The following RALYL variants were observed in gnomAD, a reference collection of about 807,000 sequenced individuals.
RALYL encodes RALY RNA binding protein like, also known as RNA-binding Raly-like protein.
RALYL carries 29 observed loss-of-function variants against 35.1 expected under a neutral mutation model. The ratio of observed to expected loss-of-function variants is 0.83; its 90% CI spans 0.61 to 1.13. The LOEUF is 1.13. Ranked by LOEUF, RALYL falls within the 50% of genes most tolerant of loss-of-function variation. The pLI is 0.00. For missense variants in RALYL, 359 were observed against 360.4 expected (o/e 1.00, Z 0.03); for synonymous variants, 120 against 127.6 (o/e 0.94, Z 0.40).
intron 6 of RALYL, among the ~76,000 whole-genome samples, chr8:84,868,218 T>A (rs1839536690): frequency 6.6e-6 from 1 of 152,096 alleles, no homozygotes; most frequent in Admixed American, 6.6e-5. Flanking sequence ...CTTAAAAAAT[T>A]TTTTTAGAAA....
chr8:84,799,599 T>C (rs1822724985), intron 3 of RALYL, among the ~76,000 whole-genome samples: 1 of 152,222 alleles, frequency 6.6e-6, no homozygotes, highest in Non-Finnish European at 1.5e-5. Context: ...CCAGTCTTTC[T>C]TTTTAGTTTG....
chr8:84,290,621 G>T (rs188147153), intron 1 of RALYL, among the ~76,000 whole-genome samples: 3 of 152,070 alleles, frequency 2.0e-5, no homozygotes, highest in African/African-American at 7.2e-5. Context: ...TTTTGTGGTG[G>T]AATGTCATCA....
At chr8:84,670,688 G>C (rs114857385) in intron 2 of RALYL, among the ~76,000 whole-genome samples, 8 of 152,156 alleles carry the variant, frequency 5.3e-5, no homozygotes, top group Admixed American at 2.6e-4. Flanking sequence ...TCTTGTGAGC[G>C]TTAATCACTA....
chr8:84,610,618 A>G (rs1256653065), intron 2 of RALYL, among the ~76,000 whole-genome samples: 2 of 152,122 alleles, frequency 1.3e-5, no homozygotes, highest in African/African-American at 4.8e-5. Flanking sequence ...CCCACATTCA[A>G]AAAGAGTGAG....
chr8:84,239,229 C>T (rs1320599789), intron 1 of RALYL, among the ~76,000 whole-genome samples: 1 of 152,114 alleles, frequency 6.6e-6, no homozygotes, highest in Admixed American at 6.5e-5. Context: ...AAACTCTCAC[C>T]AACTGAACAC....
chr8:84,691,687 T>C (rs1043634328), intron 2 of RALYL, among the ~76,000 whole-genome samples: 1 of 151,738 alleles, frequency 6.6e-6, no homozygotes, highest in East Asian at 1.9e-4. Context: ...CCTGGGGTGC[T>C]AGGAAAGCAA....
chr8:84,272,540 G>A (rs1834529086), intron 1 of RALYL, among the ~76,000 whole-genome samples: 2 of 152,186 alleles, frequency 1.3e-5, no homozygotes, highest in South Asian at 4.1e-4. Flanking sequence ...ATATCTGGCT[G>A]AGAAACTTGA....
intron 1 of RALYL, among the ~76,000 whole-genome samples, chr8:84,239,297 T>A (rs992523737): frequency 3.9e-5 from 6 of 152,208 alleles, no homozygotes; most frequent in African/African-American, 1.4e-4. Context: ...TTGATAAATA[T>A]AATTGAGTCC....
At chr8:84,528,247 T>G (rs935546736) in intron 1 of RALYL, among the ~76,000 whole-genome samples, 4 of 152,160 alleles carry the variant, frequency 2.6e-5, no homozygotes, top group African/African-American at 7.2e-5. Context: ...GTTACCTTGT[T>G]GAAATTTTAG....
At chr8:84,788,788 G>C (rs961129386) in intron 3 of RALYL, among the ~76,000 whole-genome samples, 1 of 152,156 alleles carries the variant, frequency 6.6e-6, no homozygotes, top group Non-Finnish European at 1.5e-5. Flanking sequence ...GCAGAGCGAA[G>C]GGCAAGGAGC....
intron 1 of RALYL, chr8:84,346,003 C>T (rs1037246735): frequency 2.5e-6 from 2 of 793,966 alleles, no homozygotes; most frequent in Non-Finnish European, 3.1e-6. Context: ...CTCCTTGGGA[C>T]AATTATTATA....
At chr8:84,223,081 G>GCCTTTCCTTT (rs767992068) in intron 1 of RALYL, among the ~76,000 whole-genome samples, 569 of 52,074 alleles carry the variant, frequency 0.011, 35 homozygotes, top group Middle Eastern at 0.036. Flanking sequence ...CCTTTGCCCT[G>GCCTTTCCTTT]CCTTTCCTTT....
At chr8:84,338,718 G>A (rs1028491744) in intron 1 of RALYL, among the ~76,000 whole-genome samples, 2 of 151,990 alleles carry the variant, frequency 1.3e-5, no homozygotes, top group African/African-American at 2.4e-5. Context: ...ATTTCTGTGA[G>A]TAAAGAGTTC....
At chr8:84,735,811 C>CGAGAGAGA (rs59842702) in intron 2 of RALYL, among the ~76,000 whole-genome samples, 2,262 of 111,276 alleles carry the variant, frequency 0.02, 27 homozygotes, top group Middle Eastern at 0.033. Flanking sequence ...ATCCAAACCG[C>CGAGAGAGA]GAGAGAGAGA....
chr8:84,761,543 C>T (rs183391013), intron 2 of RALYL, among the ~76,000 whole-genome samples: 32 of 151,800 alleles, frequency 2.1e-4, no homozygotes, highest in Non-Finnish European at 3.4e-4. Context: ...ATTTTAATGC[C>T]CCCTTTAACT....
chr8:84,652,071 C>T (rs1189168831), intron 2 of RALYL, among the ~76,000 whole-genome samples: 1 of 151,978 alleles, frequency 6.6e-6, no homozygotes, highest in Non-Finnish European at 1.5e-5. Context: ...GATTCCAGTC[C>T]CCTGTGATTG....
intron 1 of RALYL, among the ~76,000 whole-genome samples, chr8:84,519,603 C>T (rs711047): frequency 0.96 from 145,917 of 152,282 alleles, 69,948 homozygotes; most frequent in East Asian, 1. Context: ...CAGATATACC[C>T]TAAGTGTTTT....
intron 1 of RALYL, among the ~76,000 whole-genome samples, chr8:84,365,410 G>A (rs925533062): frequency 1.3e-5 from 2 of 152,034 alleles, no homozygotes; most frequent in Non-Finnish European, 2.9e-5. Flanking sequence ...TTACAGTGTT[G>A]CAAAACTAAT....
chr8:84,609,196 T>C (rs1287625791), intron 2 of RALYL, among the ~76,000 whole-genome samples: 2 of 152,170 alleles, frequency 1.3e-5, no homozygotes, highest in Non-Finnish European at 2.9e-5. Flanking sequence ...ATAAGATCTA[T>C]TGAATCCCTC....
Sources: gnomAD v4.1 joint callset for allele counts (sites outside exome capture counted in the v4.1 genomes callset) on GRCh38, gnomAD v4.1.1 for gene constraint, MANE v1.5 for transcripts, NCBI Gene and HGNC (gene_info 2026-07-23, HGNC 2026-07-21) for gene names.